The following FOXJ3 variants were observed in gnomAD, a reference collection of about 807,000 sequenced individuals.
FOXJ3 encodes the protein forkhead box protein J3.
In FOXJ3, 22 loss-of-function variants were observed where a neutral mutation model predicts 76.1. That is an observed-to-expected ratio of 0.29 (90% confidence interval 0.21 to 0.41). The LOEUF (loss-of-function observed/expected upper bound fraction) is 0.41, where lower values mean the gene tolerates loss of function less well. Ranked by LOEUF, FOXJ3 falls within the 10% of genes least tolerant of loss-of-function variation. The pLI is 1.00. For missense variants in FOXJ3, 613 were observed against 762.1 expected (o/e 0.80, Z 2.30); for synonymous variants, 269 against 261.2 (o/e 1.03, Z -0.29).
At chr1:42,274,324 G>C (rs1458806095) in intron 3 of FOXJ3, among the ~76,000 whole-genome samples, 1 of 152,198 alleles carries the variant, frequency 6.6e-6, no homozygotes, top group Admixed American at 6.5e-5. Flanking sequence ...TGTTAGGATA[G>C]ACTCCTATTC....
At chr1:42,325,090 T>C (rs953078377) in intron 1 of FOXJ3, among the ~76,000 whole-genome samples, 1 of 152,182 alleles carries the variant, frequency 6.6e-6, no homozygotes, top group African/African-American at 2.4e-5. Flanking sequence ...ATAATGTCTA[T>C]TATGTATCAC....
At chr1:42,265,029 T>C (rs900906561) in intron 4 of FOXJ3, 86 bp downstream of exon 4, 7 of 863,722 alleles carry the variant, frequency 8.1e-6, no homozygotes, top group African/African-American at 3.3e-5. Flanking sequence ...CAGAGGTTCC[T>C]ATTCAATGAA....
At chr1:42,307,694 T>C (rs1654550126) in intron 2 of FOXJ3, among the ~76,000 whole-genome samples, 1 of 152,172 alleles carries the variant, frequency 6.6e-6, no homozygotes. Context: ...TCAGAGCAAT[T>C]TGGTTAAAAT....
intron 2 of FOXJ3, among the ~76,000 whole-genome samples, chr1:42,290,127 T>C (rs1000006415): frequency 1.3e-5 from 2 of 152,078 alleles, no homozygotes; most frequent in African/African-American, 4.8e-5. Flanking sequence ...TTAAAGTCTA[T>C]GTTAAAATTC....
chr1:42,248,082 T>C (rs925969295), intron 4 of FOXJ3, among the ~76,000 whole-genome samples: 1 of 152,104 alleles, frequency 6.6e-6, no homozygotes, highest in Non-Finnish European at 1.5e-5. Context: ...CAGAAAGTAA[T>C]GTAGTGGTTG....
intron 3 of FOXJ3, among the ~76,000 whole-genome samples, chr1:42,271,356 C>T (rs1381847948): frequency 6.6e-6 from 1 of 151,686 alleles, no homozygotes; most frequent in Admixed American, 6.6e-5. Context: ...AAAGTTAAAA[C>T]CATATAAAAA....
At chr1:42,306,291 CTTTT>C (rs1557713406) in intron 2 of FOXJ3, among the ~76,000 whole-genome samples, 2 of 125,362 alleles carry the variant, frequency 1.6e-5, no homozygotes, top group Non-Finnish European at 3.2e-5. Context: ...ACTCTCTGAA[CTTTT>C]TTCTTTTTTT....
At chr1:42,295,427 T>C (rs969668390) in intron 2 of FOXJ3, among the ~76,000 whole-genome samples, 14 of 152,114 alleles carry the variant, frequency 9.2e-5, no homozygotes, top group Admixed American at 3.3e-4. Flanking sequence ...GGTATCTGTA[T>C]ACTACACTTT....
intron 1 of FOXJ3, among the ~76,000 whole-genome samples, chr1:42,315,012 G>A (rs2124764848): frequency 6.6e-6 from 1 of 152,262 alleles, no homozygotes; most frequent in Non-Finnish European, 1.5e-5. Context: ...CCATAAAAAG[G>A]AATGAAGTAC....
At chr1:42,193,692 T>G (rs756675248) in intron 8 of FOXJ3, among the ~76,000 whole-genome samples, 1 of 152,210 alleles carries the variant, frequency 6.6e-6, no homozygotes, top group Non-Finnish European at 1.5e-5. Context: ...CAGTAAGTAT[T>G]AAAATGCAAA....
chr1:42,212,056 C>G (rs552308225), intron 5 of FOXJ3, among the ~76,000 whole-genome samples: 1 of 152,142 alleles, frequency 6.6e-6, no homozygotes, highest in African/African-American at 2.4e-5. Flanking sequence ...GAGTTCGAGA[C>G]CAGCCTGGCC....
intron 6 of FOXJ3, among the ~76,000 whole-genome samples, chr1:42,199,715 T>A (rs1277995343): frequency 6.6e-6 from 1 of 151,726 alleles, no homozygotes; most frequent in African/African-American, 2.4e-5. Context: ...ATTTATAAAA[T>A]CATAATTATA....
rs1002672690 is a variant in FOXJ3 at position 42,189,353 on chromosome 1, C to A, written c.1403G>T (p.Arg468Leu). Residue 468 changes from arginine to leucine, a missense_variant, in exon 10 of 13, where the codon CGA becomes CTA. Physicochemically the swap from Arg to Leu is moderately radical, Grantham distance 102 (BLOSUM62 -2). Transcript: ENST00000361346. The stretch of plus-strand genomic sequence containing the variant: ...TGACCAATTAACACTGCTGGCAATT[C>A]GACAGCTTTCTTTTAGCATATCAAG... ...ATLDMLKESC[R>L]IASSVNWSDV... 1.4e-5 allele frequency: 23 copies of A among 1,613,572 alleles called. No individual in the cohort carries two copies. The highest frequency in any genetic ancestry group is 2.7e-5 in the African/African-American group (2 of 74,910).
intron 4 of FOXJ3, among the ~76,000 whole-genome samples, chr1:42,246,006 CA>C (rs1250805297): frequency 6.6e-6 from 1 of 152,042 alleles, no homozygotes; most frequent in Non-Finnish European, 1.5e-5. Context: ...AAACAAAATT[CA>C]ACTCGAAATG....
intron 2 of FOXJ3, among the ~76,000 whole-genome samples, chr1:42,303,263 T>G (rs1471245182): frequency 1.3e-5 from 2 of 152,210 alleles, no homozygotes; most frequent in Non-Finnish European, 2.9e-5. Context: ...TAACTTTACC[T>G]CAGTTTCCTC....
chr1:42,225,468 G>A (rs749954255), intron 5 of FOXJ3, among the ~76,000 whole-genome samples: 9 of 152,022 alleles, frequency 5.9e-5, no homozygotes, highest in Non-Finnish European at 8.8e-5. Context: ...AGTTTATCAG[G>A]GCAGGAAATT....
intron 11 of FOXJ3, among the ~76,000 whole-genome samples, chr1:42,185,319 G>C (rs994974025): frequency 9.6e-5 from 14 of 146,516 alleles, no homozygotes; most frequent in Non-Finnish European, 1.8e-4. Flanking sequence ...GTGTGGTGGC[G>C]CGATCTTGGC....
At chr1:42,181,254 T>C (rs1200719637) in intron 12 of FOXJ3, among the ~76,000 whole-genome samples, 5 of 152,192 alleles carry the variant, frequency 3.3e-5, no homozygotes, top group Non-Finnish European at 7.3e-5. Flanking sequence ...GCCTCCATTA[T>C]CCTAAGTGAT....
intron 7 of FOXJ3, among the ~76,000 whole-genome samples, chr1:42,197,802 C>G (rs968777021): frequency 1.3e-5 from 2 of 151,960 alleles, no homozygotes; most frequent in African/African-American, 4.8e-5. Context: ...TGCCACAATG[C>G]CTGGCTGTTT....
Sources: gnomAD v4.1 joint callset for allele counts (sites outside exome capture counted in the v4.1 genomes callset) on GRCh38, gnomAD v4.1.1 for gene constraint, MANE v1.5 for transcripts, NCBI Gene and HGNC (gene_info 2026-07-23, HGNC 2026-07-21) for gene names.